The following PLXDC2 variants were observed in gnomAD, a reference collection of about 807,000 sequenced individuals.
The protein encoded by PLXDC2 is plexin domain containing 2.
In PLXDC2, 40 loss-of-function variants were observed where a neutral mutation model predicts 68.9. The ratio of observed to expected loss-of-function variants is 0.58; its 90% CI spans 0.45 to 0.76. The LOEUF (loss-of-function observed/expected upper bound fraction) is 0.76, where lower values mean the gene tolerates loss of function less well. Among genes scored for constraint, PLXDC2 ranks in the 30% least tolerant of loss-of-function variants. The probability of loss-of-function intolerance (pLI) is 0.00; values close to 1 mark genes in which losing one functional copy is unlikely to be tolerated. For missense variants in PLXDC2, 644 were observed against 661.9 expected (o/e 0.97, Z 0.30); for synonymous variants, 243 against 234.2 (o/e 1.04, Z -0.34).
In PLXDC2 at chr10:19,940,668, CTAT is replaced by C. The variant is rs143883578; in HGVS notation, c.113-61100_113-61098del. Among the ~76,000 whole-genome samples, 393 of 152,130 alleles carry C rather than the reference CTAT, an allele frequency of 2.6e-3. 13 individuals are homozygous for C. In the East Asian group the frequency reaches 0.057, roughly 22 times the overall value. On this transcript the variant is annotated intron_variant, in intron 1 of 13. Coordinates refer to ENST00000377252, the MANE Select transcript of PLXDC2 (RefSeq NM_032812.9). ...AAATAAAAGAATACATGCCAACCAC[CTAT>C]TATTATCAAATTCTTAGTAGAAGAA...
At chr10:19,917,410 A>G (rs1299467247) in intron 1 of PLXDC2, among the ~76,000 whole-genome samples, 3 of 152,202 alleles carry the variant, frequency 2.0e-5, no homozygotes, top group African/African-American at 7.2e-5. Context: ...CCTGAAATTG[A>G]GCATCAAAAG....
chr10:20,265,640 A>T (rs1449841900), intron 13 of PLXDC2, among the ~76,000 whole-genome samples: 1 of 152,324 alleles, frequency 6.6e-6, no homozygotes, highest in East Asian at 1.9e-4. Context: ...AGTACTAGAT[A>T]CCTCATAGTT....
At chr10:20,089,932 A>T (rs1352668104) in intron 4 of PLXDC2, among the ~76,000 whole-genome samples, 1 of 152,222 alleles carries the variant, frequency 6.6e-6, no homozygotes, top group Non-Finnish European at 1.5e-5. Flanking sequence ...CATGACCGTT[A>T]GGTTCAAGTC....
chr10:20,200,103 T>C (rs1834896521), intron 9 of PLXDC2, among the ~76,000 whole-genome samples: 1 of 151,724 alleles, frequency 6.6e-6, no homozygotes, highest in African/African-American at 2.4e-5. Context: ...GTTGGAAGAC[T>C]TCACTATGTA....
chr10:19,871,973 T>C (rs183414151), intron 1 of PLXDC2, among the ~76,000 whole-genome samples: 1 of 152,286 alleles, frequency 6.6e-6, no homozygotes, highest in Non-Finnish European at 1.5e-5. Flanking sequence ...CATTTCTGTC[T>C]TTTTTATTTA....
At position 20,072,493 on chromosome 10, in the gene PLXDC2, G is replaced by GAAAGAAAGAAAGAA. The variant is rs10687286; in HGVS notation, c.541+4255_541+4256insAAGAAAGAAAGAAA. Among the ~76,000 whole-genome samples, 10 of 80,772 alleles carry GAAAGAAAGAAAGAA rather than the reference G, an allele frequency of 1.2e-4. No individual in the cohort carries two copies. In the South Asian group the frequency reaches 1.6e-3, roughly 13 times the overall value. The allele number at this position is 80,772 out of a possible 152,430, so 53.0% of individuals were successfully genotyped here. On this transcript the variant is annotated intron_variant, in intron 4 of 13. Transcript: ENST00000377252. The stretch of plus-strand genomic sequence containing the variant: ...AAGAAAGAAGGAACAAAGAAAGAAA[G>GAAAGAAAGAAAGAA]AGAAAGAAAGAAAGAAAGAAAGAAA...
At chr10:20,219,849 T>A (rs1835187150) in intron 12 of PLXDC2, among the ~76,000 whole-genome samples, 1 of 152,160 alleles carries the variant, frequency 6.6e-6, no homozygotes, top group African/African-American at 2.4e-5. Flanking sequence ...ATTGTGACTT[T>A]GATCTAGGCA....
At chr10:20,052,842 G>A (rs1306190784) in intron 3 of PLXDC2, among the ~76,000 whole-genome samples, 1 of 151,948 alleles carries the variant, frequency 6.6e-6, no homozygotes, top group African/African-American at 2.4e-5. Context: ...GAGTGAGAAG[G>A]CAAGAATGTT....
intron 1 of PLXDC2, among the ~76,000 whole-genome samples, chr10:19,875,323 G>A (rs182672309): frequency 2.2e-4 from 33 of 152,266 alleles, no homozygotes; most frequent in Non-Finnish European, 3.4e-4. Flanking sequence ...GTCACAAAAA[G>A]TAGGTAACTG....
chr10:20,169,197 G>A (rs1834413778), intron 7 of PLXDC2, among the ~76,000 whole-genome samples: 1 of 151,972 alleles, frequency 6.6e-6, no homozygotes, highest in African/African-American at 2.4e-5. Context: ...GTGAATTTGT[G>A]GATACTGAAT....
chr10:20,122,690 T>C (rs1012354392), intron 4 of PLXDC2, among the ~76,000 whole-genome samples: 1 of 152,180 alleles, frequency 6.6e-6, no homozygotes, highest in Non-Finnish European at 1.5e-5. Context: ...TGGAAGTTCT[T>C]GTGTGCTGGA....
At position 20,194,890 on chromosome 10, in the gene PLXDC2, G is replaced by A. The variant is rs1301928755; in HGVS notation, c.1062-16779G>A. The stretch of plus-strand genomic sequence containing the variant: ...GAGCTTTGCTCAATTACTATTATGT[G>A]GCATTATACTCCCTTGCATTGCACC... On this transcript the variant is annotated intron_variant, in intron 9 of 13. Coordinates refer to ENST00000377252, the MANE Select transcript of PLXDC2 (RefSeq NM_032812.9). Among the ~76,000 whole-genome samples, 4 of 148,520 alleles carry A rather than the reference G, an allele frequency of 2.7e-5. No homozygotes were observed. In the Admixed American group the frequency reaches 2.7e-4, roughly 10 times the overall value.
chr10:20,255,174 T>C (rs929863082), intron 13 of PLXDC2, among the ~76,000 whole-genome samples: 3 of 145,250 alleles, frequency 2.1e-5, no homozygotes, highest in Non-Finnish European at 4.5e-5. Context: ...GATGGATGGA[T>C]GGGTGGATAG....
At chr10:20,160,938 A>G (rs1834282573) in intron 6 of PLXDC2, among the ~76,000 whole-genome samples, 1 of 152,126 alleles carries the variant, frequency 6.6e-6, no homozygotes, top group Admixed American at 6.5e-5. Flanking sequence ...GCAGTGAGCT[A>G]TGATCATGCC....
intron 7 of PLXDC2, among the ~76,000 whole-genome samples, chr10:20,174,300 C>T (rs1422284529): frequency 7.1e-6 from 1 of 140,710 alleles, no homozygotes; most frequent in Non-Finnish European, 1.6e-5. Flanking sequence ...TTTTATTTGT[C>T]TTAAAAACTA....
intron 1 of PLXDC2, among the ~76,000 whole-genome samples, chr10:19,971,958 G>A (rs142401115): frequency 6.6e-6 from 1 of 152,266 alleles, no homozygotes; most frequent in East Asian, 1.9e-4. Flanking sequence ...GGCAGATGGA[G>A]GGAGAGATCC....
chr10:20,052,722 C>CAAAAAAAAAAAAAAAAAAAAAA (rs59776582), intron 3 of PLXDC2, among the ~76,000 whole-genome samples: 7 of 92,764 alleles, frequency 7.5e-5, no homozygotes, highest in East Asian at 3.0e-4. Flanking sequence ...ACAAATTATG[C>CAAAAAAAAAAAAAAAAAAAAAA]AAAAAAAAAA....
chr10:20,151,016 G>A (rs751349732), intron 6 of PLXDC2, among the ~76,000 whole-genome samples: 1 of 152,130 alleles, frequency 6.6e-6, no homozygotes, highest in Non-Finnish European at 1.5e-5. Context: ...GTTCAAAGAA[G>A]TCATTTTTAC....
chr10:19,888,440 C>T (rs1400624786), intron 1 of PLXDC2, among the ~76,000 whole-genome samples: 3 of 152,074 alleles, frequency 2.0e-5, no homozygotes, highest in African/African-American at 7.2e-5. Context: ...GGTGCAGTGG[C>T]CTAGAGAGAG....
Sources: allele counts gnomAD v4.1 joint callset (sites outside exome capture counted in the v4.1 genomes callset), GRCh38; gene constraint gnomAD v4.1.1; transcripts MANE v1.5; gene names NCBI Gene and HGNC (gene_info 2026-07-23, HGNC 2026-07-21).